Variants in NUP153 observed in about 807,000 individuals in gnomAD.
NUP153 encodes nucleoporin 153.
NUP153 carries 27 observed loss-of-function variants against 134.6 expected under a neutral mutation model. That is an observed-to-expected ratio of 0.20 (90% CI 0.15 to 0.28). The LOEUF is 0.28. Among genes scored for constraint, NUP153 ranks in the 10% least tolerant of loss-of-function variants. The probability of loss-of-function intolerance (pLI) is 1.00; values close to 1 mark genes in which losing one functional copy is unlikely to be tolerated. For missense variants in NUP153, 1,821 were observed against 1,731.3 expected, an observed-to-expected ratio of 1.05 and a Z score of -0.92; for synonymous variants, 640 against 623.5, an observed-to-expected ratio of 1.03 and a Z score of -0.40.
chr6:17,704,277 GCGAGAC>G (rs892530316), intron 1 of NUP153, among the ~76,000 whole-genome samples: 1 of 148,194 alleles, frequency 6.7e-6, no homozygotes, highest in Non-Finnish European at 1.5e-5. Context: ...GGGTGACAGA[GCGAGAC>G]TCCGTCTCAA....
Position 17,628,595 on chromosome 6 carries a change from T to A in NUP153, c.3544+60A>T. ...TTGCTGCATCTGTCAAGGCAACTTG[T>A]AAAACGACAACTTGTAAAAAAAAAA... is the stretch of plus-strand genomic sequence containing the variant. On this transcript the variant is annotated intron_variant, in intron 18 of 21. Coordinates refer to ENST00000262077, the MANE Select transcript of NUP153 (RefSeq NM_005124.4). This position sits in a 1 kb window ranked among gnomAD's most constrained non-coding sequence, Gnocchi z 5.4. 1 of 975,316 alleles carries A rather than the reference T, an allele frequency of 1.0e-6. No homozygotes were observed. The highest frequency in any genetic ancestry group is 3.7e-4 in the Middle Eastern group (1 of 2,716). The allele number at this position is 975,316 out of a possible 1,614,324, so 60.4% of individuals were successfully genotyped here. A position where few individuals can be genotyped will look rare whatever the true frequency, so the allele number is the denominator to read the frequency against.
chr6:17,623,392 TAC>T (rs1219753440), intron 20 of NUP153, among the ~76,000 whole-genome samples: 1 of 149,296 alleles, frequency 6.7e-6, no homozygotes, highest in African/African-American at 2.5e-5. Context: ...TAAAACAATT[TAC>T]ACACATGAGA....
intron 9 of NUP153, among the ~76,000 whole-genome samples, chr6:17,663,069 A>G (rs749017623): frequency 1.3e-5 from 2 of 152,128 alleles, no homozygotes; most frequent in African/African-American, 4.8e-5. Context: ...TGTTGTGCCA[A>G]TGTTAAGTTT....
chr6:17,704,291 CA>C (rs377303845), intron 1 of NUP153, among the ~76,000 whole-genome samples: 28,198 of 96,320 alleles, frequency 0.29, 2,658 homozygotes, highest in Non-Finnish European at 0.35. Flanking sequence ...GACTCCGTCT[CA>C]AAAAAAAAAA....
chr6:17,697,095 AAATAC>A (rs1181154123), intron 1 of NUP153, among the ~76,000 whole-genome samples: 6 of 152,106 alleles, frequency 3.9e-5, no homozygotes, highest in Non-Finnish European at 5.9e-5. Context: ...TAATCTTAAA[AAATAC>A]TCTGTGGCCC....
chr6:17,647,608 G>A (rs1257291964), intron 13 of NUP153, among the ~76,000 whole-genome samples, 199 bp downstream of exon 13: 1 of 152,206 alleles, frequency 6.6e-6, no homozygotes, highest in East Asian at 1.9e-4. Flanking sequence ...AAATGGTACA[G>A]AAGAAAATGA....
chr6:17,701,704 T>A (rs975526503), intron 1 of NUP153, among the ~76,000 whole-genome samples: 1 of 149,938 alleles, frequency 6.7e-6, no homozygotes, highest in Non-Finnish European at 1.5e-5. Flanking sequence ...CGTGGTGGCC[T>A]GCGCCTGTAA....
chr6:17,696,559 T>C (rs192167115), intron 1 of NUP153, among the ~76,000 whole-genome samples: 1 of 152,000 alleles, frequency 6.6e-6, no homozygotes, highest in East Asian at 1.9e-4. Context: ...ATCGAGACCA[T>C]CCTGGCTAAC....
At chr6:17,664,691 G>A (rs900372400) in intron 9 of NUP153, among the ~76,000 whole-genome samples, 5 of 151,966 alleles carry the variant, frequency 3.3e-5, no homozygotes, top group Non-Finnish European at 7.4e-5. Context: ...AAGCAAATCC[G>A]GCAAAATTAT....
chr6:17,682,638 G>A (rs1768658157), intron 2 of NUP153, among the ~76,000 whole-genome samples: 1 of 152,054 alleles, frequency 6.6e-6, no homozygotes, highest in East Asian at 1.9e-4. Flanking sequence ...AACCACTTTT[G>A]CCAGGTGTGG....
intron 11 of NUP153, among the ~76,000 whole-genome samples, chr6:17,661,299 G>A (rs1767161000): frequency 6.6e-6 from 1 of 152,096 alleles, no homozygotes; most frequent in African/African-American, 2.4e-5. Flanking sequence ...GAGCGACAGA[G>A]CAAGACTGTA....
chr6:17,679,820 CA>C (rs1177838078), intron 2 of NUP153, among the ~76,000 whole-genome samples: 1 of 152,114 alleles, frequency 6.6e-6, no homozygotes, highest in Non-Finnish European at 1.5e-5. Flanking sequence ...AATAGGTAAC[CA>C]TACCTTTTAA....
At chr6:17,662,834 AACATCAG>A (rs570979801) in intron 9 of NUP153, among the ~76,000 whole-genome samples, 2 of 152,194 alleles carry the variant, frequency 1.3e-5, no homozygotes, top group Non-Finnish European at 2.9e-5. Context: ...ATCATGAGGA[AACATCAG>A]ACAATCATAA....
rs1164720347 is a variant in NUP153, at chr6:17,624,606, G to C, written c.4129C>G (p.Gln1377Glu). 6.2e-7 allele frequency: 1 copy of C among 1,614,068 alleles called. No individual in the cohort carries two copies. The highest frequency in any genetic ancestry group is 2.2e-5 in the East Asian group (1 of 44,890). ...SSSQPPVFGQ[Q>E]PSQSAFGSGT... is the part of the protein sequence containing the mutation. ...GAGCCAAATGCAGACTGACTAGGTT[G>C]CTGTCCAAACACAGGGGGCTGGCTA... Residue 1377 changes from glutamine to glutamate, a missense_variant, in exon 20 of 22, where the codon CAA (glutamine) becomes GAA (glutamate). Coordinates refer to ENST00000262077, the MANE Select transcript of NUP153 (RefSeq NM_005124.4).
chr6:17,687,739 T>A (rs1015848779), intron 2 of NUP153, among the ~76,000 whole-genome samples: 4 of 151,914 alleles, frequency 2.6e-5, no homozygotes, highest in Non-Finnish European at 4.4e-5. Context: ...AAACATGTAG[T>A]GAAAGAAAAA....
intron 13 of NUP153, among the ~76,000 whole-genome samples, chr6:17,646,888 C>A (rs1436895191): frequency 6.6e-6 from 1 of 151,142 alleles, no homozygotes; most frequent in East Asian, 1.9e-4. Context: ...TATAGGCGTG[C>A]ACCACCATGC....
At chr6:17,671,690 A>G (rs7773655) in intron 5 of NUP153, among the ~76,000 whole-genome samples, 1 of 152,104 alleles carries the variant, frequency 6.6e-6, no homozygotes, top group Non-Finnish European at 1.5e-5. Context: ...ATTCTCCCCA[A>G]ATTGGTCTTT....
In NUP153 at chr6:17,706,354, C is replaced by T. The variant is rs752185308; in HGVS notation, c.34G>A (p.Gly12Ser). The T allele has an allele frequency of 5.0e-6, 8 of 1,613,026 alleles. No homozygotes were observed. In the South Asian group the frequency reaches 5.5e-5, roughly 11 times the overall value. Residue 12 changes from glycine (G) to serine (S), a missense_variant, in exon 1 of 22, where the codon GGT (glycine) becomes AGT (serine). Gly to Ser is a moderately conservative substitution (Grantham distance 56, BLOSUM62 0). Coordinates refer to ENST00000262077, the MANE Select transcript of NUP153 (RefSeq NM_005124.4). The surrounding 1 kb of genome is among the most constrained non-coding windows in gnomAD (Gnocchi z 5.9). ...CGCCGCGTCCGGATCTTGCCGCCAC[C>T]GCCCCCTCCGACTCCTCCGGCTCCC... The part of the protein sequence containing the change: ...ASGAGGVGGG[G>S]GGKIRTRRCH...
intron 1 of NUP153, among the ~76,000 whole-genome samples, chr6:17,689,087 A>G (rs1769121700): frequency 6.6e-6 from 1 of 151,976 alleles, no homozygotes; most frequent in South Asian, 2.1e-4. Flanking sequence ...AAAAAAATAC[A>G]GGAACTAAAA....
Sources: allele counts gnomAD v4.1 joint callset (sites outside exome capture counted in the v4.1 genomes callset), GRCh38; gene constraint gnomAD v4.1.1; non-coding constraint Gnocchi (gnomAD v3.1); transcripts MANE v1.5; gene names NCBI Gene and HGNC (gene_info 2026-07-23, HGNC 2026-07-21).